The following SLC44A1 variants were observed in gnomAD, a reference collection of about 807,000 sequenced individuals.
SLC44A1 encodes choline transporter-like protein 1.
Under a neutral mutation model 79.3 loss-of-function variants are expected in SLC44A1, and 26 were observed. That is an observed-to-expected ratio of 0.33 (90% CI 0.24 to 0.46). The LOEUF is 0.46. Among genes scored for constraint, SLC44A1 ranks in the 20% least tolerant of loss-of-function variants. SLC44A1 has a pLI of 1.00. For missense variants in SLC44A1, 688 were observed against 798.1 expected (o/e 0.86, Z 1.66); for synonymous variants, 263 against 286.2 (o/e 0.92, Z 0.82).
At chr9:105,377,640 G>A (rs1478386789) in intron 13 of SLC44A1, among the ~76,000 whole-genome samples, 2 of 151,596 alleles carry the variant, frequency 1.3e-5, no homozygotes, top group African/African-American at 4.8e-5. Flanking sequence ...GCGAGTGGCT[G>A]TAGTCCCAGC....
In SLC44A1 at chr9:105,351,640, A is replaced by G. The variant is rs542566951; in HGVS notation, c.500+3189A>G. Among the ~76,000 whole-genome samples, 78 of 132,324 alleles carry G rather than the reference A, an allele frequency of 5.9e-4. 1 individual carries two copies. The highest frequency in any genetic ancestry group is 1.6e-3 in the Admixed American group (22 of 13,370). The allele number at this position is 132,324 out of a possible 152,430, so 86.8% of individuals were successfully genotyped here. A position where few individuals can be genotyped will look rare whatever the true frequency, so the allele number is the denominator to read the frequency against. ...AAAGAAAGAGAGAGAAAGAGAAAGA[A>G]AGAAAGAAAGAAAGAAAGAAAGAAA... On this transcript the variant is annotated intron_variant, in intron 5 of 15. Coordinates refer to ENST00000374720, the MANE Select transcript of SLC44A1 (RefSeq NM_080546.5).
intron 12 of SLC44A1, among the ~76,000 whole-genome samples, chr9:105,367,408 G>T (rs182115495): frequency 1.2e-3 from 177 of 152,180 alleles, no homozygotes; most frequent in Admixed American, 9.4e-3. Flanking sequence ...CATTCTTATA[G>T]GTCATAATAT....
At chr9:105,418,542 T>C (rs1287838464) in intron 15 of SLC44A1, among the ~76,000 whole-genome samples, 1 of 152,140 alleles carries the variant, frequency 6.6e-6, no homozygotes, top group Non-Finnish European at 1.5e-5. Flanking sequence ...TTTGTAAAGA[T>C]TTTGAGCTGT....
intron 1 of SLC44A1, among the ~76,000 whole-genome samples, chr9:105,258,031 CA>C (rs1829752010): frequency 1.3e-5 from 2 of 152,154 alleles, no homozygotes; most frequent in African/African-American, 4.8e-5. Context: ...TAACTCATAC[CA>C]GTGTAAACAG....
At chr9:105,319,943 G>T (rs896297806) in intron 3 of SLC44A1, among the ~76,000 whole-genome samples, 3 of 152,168 alleles carry the variant, frequency 2.0e-5, no homozygotes, top group African/African-American at 7.2e-5. Flanking sequence ...ACTATATGCA[G>T]TCATGCATCC....
chr9:105,356,448 C>A, intron 6 of SLC44A1, 67 bp downstream of exon 6: 1 of 1,092,240 alleles, frequency 9.2e-7, no homozygotes, highest in Non-Finnish European at 1.3e-6. Context: ...GTCTTTTAGC[C>A]AAAATATGAA....
intron 15 of SLC44A1, among the ~76,000 whole-genome samples, chr9:105,420,546 G>C (rs1056358314): frequency 5.3e-5 from 8 of 151,982 alleles, no homozygotes; most frequent in Non-Finnish European, 1.2e-4. Context: ...CTGATTATGA[G>C]TCAGTGCCAA....
At chr9:105,315,684 T>G (rs1370973897) in intron 3 of SLC44A1, among the ~76,000 whole-genome samples, 1 of 152,214 alleles carries the variant, frequency 6.6e-6, no homozygotes, top group African/African-American at 2.4e-5. Flanking sequence ...ATGCCTCTTT[T>G]GAAGACTTTT....
chr9:105,425,691 C>T (rs1448801608), intron 15 of SLC44A1, among the ~76,000 whole-genome samples: 1 of 152,034 alleles, frequency 6.6e-6, no homozygotes, highest in Non-Finnish European at 1.5e-5. Flanking sequence ...GGCGTGATGG[C>T]GGGTGCCTGT....
In SLC44A1 at chr9:105,395,209, T is replaced by G. The variant is rs531700929; in HGVS notation, c.*6153T>G. The G allele has an allele frequency of 4.4e-4, 428 of 971,130 alleles. No homozygotes were observed. The highest frequency in any genetic ancestry group is 3.0e-3 in the African/African-American group (173 of 56,834). 60.2% of individuals were successfully genotyped at this position (971,130 alleles called of 1,614,324 possible). A position where few individuals can be genotyped will look rare whatever the true frequency, so the allele number is the denominator to read the frequency against. ...CCACACTCCTAGAAAAGTTTGGGGG[T>G]TTTTTTTGTTTGTTTTTGGTGTTTT... On this transcript the variant is annotated 3_prime_UTR_variant, in exon 16 of 16. Transcript: ENST00000374720.
Position 105,391,907 on chromosome 9 carries a change from C to T in SLC44A1, c.*2851C>T, listed in dbSNP as rs1000127820. ...ATATTTCTAGAGTTTTAATTGGGGT[C>T]CTCTATTGTCAATTGTAGTAGTGAC... On this transcript the variant is annotated 3_prime_UTR_variant, in exon 16 of 16. Transcript: ENST00000374720. 4 of 985,080 alleles carry T rather than the reference C, an allele frequency of 4.1e-6. No homozygotes were observed. The highest frequency in any genetic ancestry group is 3.5e-5 in the African/African-American group (2 of 57,168). 61.0% of individuals were successfully genotyped at this position (985,080 alleles called of 1,614,324 possible).
rs148049852 is a variant in SLC44A1 at position 105,270,496 on chromosome 9, C to T, written c.36+25592C>T. Among the ~76,000 whole-genome samples the T allele has an allele frequency of 7.2e-5, 11 of 152,186 alleles. No individual in the cohort carries two copies. The East Asian group carries it at 2.1e-3, about 29-fold the overall frequency. On this transcript the variant is annotated intron_variant, in intron 1 of 15. Transcript: ENST00000374720. ...TCTTCTCTACCTTACTCTGGCTCTGCCTCCCTCTTCACCTCCCCACTACCA... is the reference window on the plus strand; with the variant it reads ...TCTTCTCTACCTTACTCTGGCTCTGTCTCCCTCTTCACCTCCCCACTACCA...
intron 1 of SLC44A1, among the ~76,000 whole-genome samples, chr9:105,252,724 T>C (rs1287026686): frequency 6.6e-6 from 1 of 152,220 alleles, no homozygotes; most frequent in African/African-American, 2.4e-5. Flanking sequence ...AAAATTTAAG[T>C]CATTAAAGAG....
At chr9:105,419,192 A>G (rs1424011092) in intron 15 of SLC44A1, among the ~76,000 whole-genome samples, 1 of 152,202 alleles carries the variant, frequency 6.6e-6, no homozygotes, top group Non-Finnish European at 1.5e-5. Flanking sequence ...GTAGCACAGA[A>G]CAGCACTAAT....
chr9:105,278,449 C>T (rs1830265959), intron 1 of SLC44A1, among the ~76,000 whole-genome samples: 1 of 152,182 alleles, frequency 6.6e-6, no homozygotes. Context: ...GGGGTTTCAT[C>T]ATGTTGACCA....
chr9:105,392,973 C>A lies in SLC44A1; in HGVS notation c.*3917C>A. The A allele has an allele frequency of 1.0e-6, 1 of 984,746 alleles. No homozygotes were observed. Among genetic ancestry groups the A allele is most frequent in the Non-Finnish European group, 1.2e-6 (1 of 829,424 alleles). The allele number at this position is 984,746 out of a possible 1,614,324, so 61.0% of individuals were successfully genotyped here. A position where few individuals can be genotyped will look rare whatever the true frequency, so the allele number is the denominator to read the frequency against. ...TGCTACTTTAAAAAAAAAACAACAA[C>A]AACAAATAAAACTCTCAGAGTCTGG... On this transcript the variant is annotated 3_prime_UTR_variant, in exon 16 of 16. Coordinates refer to ENST00000374720, the MANE Select transcript of SLC44A1 (RefSeq NM_080546.5).
chr9:105,355,997 C>T (rs1391362222), intron 5 of SLC44A1: 2 of 548,442 alleles, frequency 3.6e-6, no homozygotes, highest in Admixed American at 3.5e-5. Flanking sequence ...GGAACATGCA[C>T]TCCACCCTCT....
intron 15 of SLC44A1, among the ~76,000 whole-genome samples, chr9:105,428,729 C>T (rs1168938029): frequency 6.6e-6 from 1 of 152,130 alleles, no homozygotes; most frequent in Non-Finnish European, 1.5e-5. Flanking sequence ...GATGGAGTCT[C>T]GTTCCCATTG....
chr9:105,352,866 CA>C (rs1827497856), intron 5 of SLC44A1, among the ~76,000 whole-genome samples: 1 of 151,942 alleles, frequency 6.6e-6, no homozygotes, highest in Non-Finnish European at 1.5e-5. Context: ...GATAAGAAAA[CA>C]ATTGAAGTAT....
Sources: allele counts gnomAD v4.1 joint callset (sites outside exome capture counted in the v4.1 genomes callset), GRCh38; gene constraint gnomAD v4.1.1; transcripts MANE v1.5; gene names NCBI Gene and HGNC (gene_info 2026-07-23, HGNC 2026-07-21).